Variants in USP20 observed in about 807,000 individuals in gnomAD.
USP20 encodes ubiquitin specific peptidase 20.
A neutral mutation model predicts 124.2 loss-of-function variants in USP20; 80 were observed. The observed-to-expected ratio is 0.64, with a 90% confidence interval of 0.54 to 0.78. USP20 has a LOEUF of 0.78. Among genes scored for constraint, USP20 ranks in the 30% least tolerant of loss-of-function variants. The pLI is 0.00. For missense variants in USP20, 1,043 were observed against 1,244.4 expected (o/e 0.84, Z 2.44); for synonymous variants, 481 against 512.3 (o/e 0.94, Z 0.83).
intron 8 of USP20, among the ~76,000 whole-genome samples, chr9:129,862,198 C>A (rs1315381394): frequency 2.0e-5 from 3 of 152,100 alleles, no homozygotes; most frequent in Non-Finnish European, 4.4e-5. Context: ...AAGGCTATGT[C>A]CCAAAATGTT....
At chr9:129,873,333 C>G in intron 15 of USP20, 149 bp from the exon 16 acceptor site, 1 of 935,986 alleles carries the variant, frequency 1.1e-6, no homozygotes, top group East Asian at 2.5e-5. Context: ...ATCCGCCCGC[C>G]TCGGCCTCCC....
intron 15 of USP20, among the ~76,000 whole-genome samples, chr9:129,872,889 C>T (rs1188249195): frequency 6.6e-6 from 1 of 151,852 alleles, no homozygotes; most frequent in Non-Finnish European, 1.5e-5. Context: ...TAATGTTGCA[C>T]TTCCCACCCC....
At chr9:129,872,047 A>G (rs965005953) in intron 15 of USP20, among the ~76,000 whole-genome samples, 1 of 152,088 alleles carries the variant, frequency 6.6e-6, no homozygotes, top group African/African-American at 2.4e-5. Flanking sequence ...TTTCCTAATG[A>G]TAGTGATGTT....
chr9:129,845,246 CAG>C (rs1254554241), intron 1 of USP20, among the ~76,000 whole-genome samples: 1 of 151,492 alleles, frequency 6.6e-6, no homozygotes, highest in Non-Finnish European at 1.5e-5. Context: ...GTGCCTGGCA[CAG>C]GGGCCTGGAG....
chr9:129,853,694 T>C (rs1229256268), intron 3 of USP20, among the ~76,000 whole-genome samples: 1 of 152,226 alleles, frequency 6.6e-6, no homozygotes, highest in African/African-American at 2.4e-5. Context: ...CTTTGCCTCT[T>C]GCAGCATGAA....
intron 1 of USP20, chr9:129,835,857 C>G (rs1247308981): frequency 6.6e-6 from 1 of 152,298 alleles, no homozygotes; most frequent in South Asian, 2.1e-4. Context: ...GGGCTCTGAG[C>G]CCTGACGTGC....
intron 1 of USP20, among the ~76,000 whole-genome samples, chr9:129,846,039 C>G (rs1588242879): frequency 1.3e-5 from 2 of 151,900 alleles, no homozygotes; most frequent in East Asian, 3.9e-4. Context: ...TTTCTCCTGC[C>G]TCAGCCTCCC....
rs1212194082 is a variant in USP20, at chr9:129,856,297, A to G, written c.82-10A>G. On this transcript the variant is annotated splice_polypyrimidine_tract_variant and intron_variant, in intron 3 of 25. Coordinates refer to ENST00000372429, the MANE Select transcript of USP20 (RefSeq NM_001110303.4). ...TGCCTGCTCTTTTTCTCTCCTCTCA[A>G]CTCACACAGGGAACCTGTCAGTCGT... 6.2e-7 allele frequency: 1 copy of G among 1,613,956 alleles called. No homozygotes were observed. Among genetic ancestry groups the G allele is most frequent in the East Asian group, 2.2e-5 (1 of 44,870 alleles).
rs553566049 is a variant in USP20 at position 129,863,072 on chromosome 9, A to G, written c.498-114A>G. ...GTCACCTTCAGGAGTTTCTGGGTCC[A>G]GGGCCACTGTGCTCCCTGTGCGAGC... On this transcript the variant is annotated intron_variant, in intron 8 of 25. Coordinates refer to ENST00000372429, the MANE Select transcript of USP20 (RefSeq NM_001110303.4). 1.2e-3 allele frequency: 819 copies of G among 687,512 alleles called. 1 individual carries two copies. The highest frequency in any genetic ancestry group is 1.6e-3 in the Admixed American group (47 of 30,142). The allele number at this position is 687,512 out of a possible 1,614,324, so 42.6% of individuals were successfully genotyped here.
chr9:129,857,056 TAAAA>T (rs931027188), intron 4 of USP20, among the ~76,000 whole-genome samples: 2 of 146,244 alleles, frequency 1.4e-5, no homozygotes, highest in Admixed American at 6.8e-5. Context: ...AAAATTTCTT[TAAAA>T]AAAAAAACCC....
At position 129,863,180 on chromosome 9, in the gene USP20, A is replaced by G; in HGVS notation, c.498-6A>G. ...CCTGACCTGGCTCTCTCTCCCCTGCACCCAGCCCGCCGCTGACTCAGTTCT... is the reference window on the plus strand; with the variant it reads ...CCTGACCTGGCTCTCTCTCCCCTGCGCCCAGCCCGCCGCTGACTCAGTTCT... On this transcript the variant is annotated splice_region_variant and splice_polypyrimidine_tract_variant and intron_variant, in intron 8 of 25. Transcript: ENST00000372429. 1 of 1,527,398 alleles carries G rather than the reference A, an allele frequency of 6.5e-7. No individual in the cohort carries two copies. The highest frequency in any genetic ancestry group is 8.9e-7 in the Non-Finnish European group (1 of 1,128,510). The allele number at this position is 1,527,398 out of a possible 1,614,324, so 94.6% of individuals were successfully genotyped here. A position where few individuals can be genotyped will look rare whatever the true frequency, so the allele number is the denominator to read the frequency against.
At chr9:129,875,187 G>A (rs1172812512) in intron 19 of USP20, 123 bp from the exon 20 acceptor site, 27 of 1,269,222 alleles carry the variant, frequency 2.1e-5, no homozygotes, top group Non-Finnish European at 2.7e-5. Context: ...TCCAGGACCC[G>A]TGAAGGACCC....
At chr9:129,870,965 C>A (rs1224007070) in intron 15 of USP20, among the ~76,000 whole-genome samples, 2 of 152,036 alleles carry the variant, frequency 1.3e-5, no homozygotes, top group African/African-American at 4.8e-5. Flanking sequence ...GGAAAACTCT[C>A]TCTTTTTTTT....
chr9:129,837,527 T>G (rs932100736), intron 1 of USP20, among the ~76,000 whole-genome samples: 1 of 148,484 alleles, frequency 6.7e-6, no homozygotes, highest in Non-Finnish European at 1.5e-5. Flanking sequence ...TTCAACAGAT[T>G]CTTAGCATTT....
intron 13 of USP20, 36 bp from the exon 14 acceptor site, chr9:129,869,636 A>C: frequency 6.2e-7 from 1 of 1,609,952 alleles, no homozygotes. Flanking sequence ...AGACATTGCC[A>C]GAGGATGGGC....
At chr9:129,853,066 T>A (rs1024456833) in intron 3 of USP20, among the ~76,000 whole-genome samples, 1 of 152,100 alleles carries the variant, frequency 6.6e-6, no homozygotes, top group Non-Finnish European at 1.5e-5. Context: ...TTTGAAAAGG[T>A]AATACTTGAA....
chr9:129,858,450 T>G lies in USP20; in HGVS notation c.199-17T>G. On this transcript the variant is annotated splice_polypyrimidine_tract_variant and intron_variant, in intron 5 of 25. Coordinates refer to ENST00000372429, the MANE Select transcript of USP20 (RefSeq NM_001110303.4). ...GGCTAGAGTGCCCTGGACCTTGTTT[T>G]GGATATCACCCTCTAGGCAAAAAAG... The G allele has an allele frequency of 6.2e-7, 1 of 1,614,070 alleles. No homozygotes were observed. The highest frequency in any genetic ancestry group is 8.5e-7 in the Non-Finnish European group (1 of 1,179,986).
intron 1 of USP20, among the ~76,000 whole-genome samples, chr9:129,840,862 C>T (rs1041934155): frequency 7.9e-5 from 12 of 151,688 alleles, no homozygotes; most frequent in Non-Finnish European, 1.6e-4. Flanking sequence ...CCTCCGCCTC[C>T]CAGGTTCAAG....
chr9:129,852,473 A>C (rs1341153258), intron 2 of USP20, 67 bp from the exon 3 acceptor site: 1 of 1,432,844 alleles, frequency 7.0e-7, no homozygotes, highest in Non-Finnish European at 9.6e-7. Context: ...GTACTTAACC[A>C]CTCACCTCCC....
Sources: allele counts gnomAD v4.1 joint callset (sites outside exome capture counted in the v4.1 genomes callset), GRCh38; gene constraint gnomAD v4.1.1; transcripts MANE v1.5; gene names NCBI Gene and HGNC (gene_info 2026-07-23, HGNC 2026-07-21).